SOHLH1: variants seen among roughly 807,000 people sequenced by gnomAD.
SOHLH1 encodes the protein spermatogenesis and oogenesis specific basic helix-loop-helix 1.
A neutral mutation model predicts 36.2 loss-of-function variants in SOHLH1; 23 were observed. The observed-to-expected ratio is 0.64, with a 90% confidence interval of 0.46 to 0.90. SOHLH1 has a LOEUF of 0.90. Among genes scored for constraint, SOHLH1 ranks in the 40% least tolerant of loss-of-function variants. SOHLH1 has a pLI of 0.00. For missense variants in SOHLH1, 608 were observed against 517.0 expected, an observed-to-expected ratio of 1.18 and a Z score of -1.71; for synonymous variants, 289 against 228.3, an observed-to-expected ratio of 1.27 and a Z score of -2.40.
At chr9:135,698,873 T>C (rs1834915840) in intron 2 of SOHLH1, 122 bp downstream of exon 2, 3 of 1,404,918 alleles carry the variant, frequency 2.1e-6, no homozygotes, top group Non-Finnish European at 2.0e-6. Flanking sequence ...AGTCTGTCCT[T>C]CTCCTGGGCA....
At chr9:135,700,910 C>T (rs533609835), upstream of SOHLH1, among the ~76,000 whole-genome samples, 3 of 152,248 alleles carry the variant, frequency 2.0e-5, no homozygotes, top group Admixed American at 1.3e-4. Flanking sequence ...TTTTGTTTCC[C>T]TAAAGCCCTC....
chr9:135,702,092 C>T (rs1835052411), upstream of SOHLH1: 1 of 575,102 alleles, frequency 1.7e-6, no homozygotes, highest in Non-Finnish European at 3.0e-6. Context: ...CCGGCGCGGC[C>T]GGCAGGGGGC....
chr9:135,693,768 A>G lies in SOHLH1; in HGVS notation c.993T>C (p.Ala331=). 6.3e-7 allele frequency: 1 copy of G among 1,581,964 alleles called. No individual in the cohort carries two copies. Among genetic ancestry groups the G allele is most frequent in the Non-Finnish European group, 8.6e-7 (1 of 1,164,828 alleles). Reference sequence around the variant, plus strand: ...CTCCAACATCCAGTGGACTGCTCTCAGCTGGGGCCCATGCAGGGCCACTGC... The same window carrying G: ...CTCCAACATCCAGTGGACTGCTCTCGGCTGGGGCCCATGCAGGGCCACTGC... ...RGGSGPAWAP[A]ESSPLDVGEP... is the part of the protein sequence containing the mutation. Residue 331 remains alanine (A), a synonymous_variant, in exon 8 of 8, where the codon GCT becomes GCC. Transcript: ENST00000425225.
In SOHLH1 at chr9:135,697,629, T is replaced by C. The variant is rs1834858587; in HGVS notation, c.346-2A>G. On this transcript the variant is annotated splice_acceptor_variant, in intron 3 of 7. Transcript: ENST00000425225. LOFTEE classifies it high-confidence loss of function. Reference sequence around the variant, plus strand: ...CATTTCCTTGGAGGAAGCAAGAATCTGAAATTTAAGTAAACATGTAAAACA... The same window carrying C: ...CATTTCCTTGGAGGAAGCAAGAATCCGAAATTTAAGTAAACATGTAAAACA... 2.5e-6 allele frequency: 4 copies of C among 1,610,492 alleles called. No individual in the cohort carries two copies. Among genetic ancestry groups the C allele is most frequent in the Non-Finnish European group, 3.4e-6 (4 of 1,178,700 alleles).
In SOHLH1 at chr9:135,698,369, C is replaced by T. The variant is rs779963266; in HGVS notation, c.305G>A (p.Arg102Gln). 13 of 1,613,100 alleles carry T rather than the reference C, an allele frequency of 8.1e-6. No individual in the cohort carries two copies. The Admixed American group carries it at 1.0e-4, about 12-fold the overall frequency. ...SVLEMSVQFL[R>Q]LASALGPSQE... is the part of the protein sequence containing the mutation. ...ACTGGGCCCCAGGGCGCTGGCAAGC[C>T]GCAGGAACTGCACAGACATCTCCAG... is the stretch of plus-strand genomic sequence containing the variant. Residue 102 changes from arginine (R) to glutamine (Q), a missense_variant, in exon 3 of 8, where the codon CGG becomes CAG. By Grantham distance (43) the Arg-to-Gln change is conservative (BLOSUM62 1). Transcript: ENST00000425225.
intron 3 of SOHLH1, among the ~76,000 whole-genome samples, chr9:135,697,902 C>T (rs1167149050): frequency 2.6e-5 from 4 of 152,118 alleles, no homozygotes; most frequent in East Asian, 1.9e-4. Context: ...TCATTCCCCA[C>T]ACAGGTCCTC....
chr9:135,699,300 G>A (rs1834942237), intron 1 of SOHLH1, 103 bp downstream of exon 1: 3 of 1,490,524 alleles, frequency 2.0e-6, no homozygotes, highest in East Asian at 2.4e-5. Flanking sequence ...CCAGGGCTCC[G>A]CCCCAGGAGG....
At chr9:135,701,047 A>C (rs1039032472), upstream of SOHLH1, among the ~76,000 whole-genome samples, 4 of 152,236 alleles carry the variant, frequency 2.6e-5, no homozygotes, top group African/African-American at 9.6e-5. Context: ...GGGCGTTGGC[A>C]GAAAGGCCAC....
upstream of SOHLH1, among the ~76,000 whole-genome samples, chr9:135,701,315 G>C (rs1043751944): frequency 6.6e-6 from 1 of 152,180 alleles, no homozygotes; most frequent in Non-Finnish European, 1.5e-5. Context: ...GGAGGCCAGG[G>C]ACCACAAAGT....
upstream of SOHLH1, chr9:135,699,581 C>G (rs1450467084): frequency 1.7e-6 from 2 of 1,158,596 alleles, no homozygotes; most frequent in East Asian, 2.5e-5. Flanking sequence ...CCACCCCACC[C>G]CCACTTGCAA....
chr9:135,699,816 C>T (rs1430438796), upstream of SOHLH1, among the ~76,000 whole-genome samples: 1 of 151,988 alleles, frequency 6.6e-6, no homozygotes, highest in African/African-American at 2.4e-5. Flanking sequence ...GGTCTCGGTG[C>T]CCTTGGGCAC....
chr9:135,695,027 G>A (rs377733974), intron 6 of SOHLH1, 23 bp downstream of exon 6: 171 of 1,574,990 alleles, frequency 1.1e-4, no homozygotes, highest in Non-Finnish European at 1.2e-4. Context: ...ACACACAGGC[G>A]TGCACACCAC....
chr9:135,699,955 C>G (rs1834975931), upstream of SOHLH1, among the ~76,000 whole-genome samples: 1 of 152,014 alleles, frequency 6.6e-6, no homozygotes, highest in African/African-American at 2.4e-5. Flanking sequence ...CGCCTGCTCC[C>G]CAGTCGCCCA....
chr9:135,698,205 T>C, intron 3 of SOHLH1, 124 bp downstream of exon 3: 1 of 1,369,648 alleles, frequency 7.3e-7, no homozygotes, highest in Non-Finnish European at 1.0e-6. Context: ...TGGCCTGCTC[T>C]AGCCGTGGAG....
In SOHLH1 at chr9:135,693,702, C is replaced by T; in HGVS notation, c.1059G>A (p.Glu353=). ...ACGGCTCCAGAGGGCTGTCCTGGAG[C>T]TCCTGGGAGCCAAGCTCAGGGTCCC... is the stretch of plus-strand genomic sequence containing the variant. The part of the protein sequence containing the change: ...FLGDPELGSQ[E]LQDSPLEPWG... The change falls in exon 8 of 8, where the codon GAG becomes GAA. Residue 353 remains glutamate (E), a synonymous_variant. Transcript: ENST00000425225. 6.3e-7 allele frequency: 1 copy of T among 1,575,760 alleles called. No homozygotes were observed.
upstream of SOHLH1, among the ~76,000 whole-genome samples, chr9:135,701,655 C>T (rs1160834947): frequency 1.3e-5 from 2 of 152,198 alleles, no homozygotes; most frequent in Non-Finnish European, 2.9e-5. Context: ...AGTCATCCCC[C>T]TCCCCCAGGC....
intron 4 of SOHLH1, 87 bp downstream of exon 4, chr9:135,697,419 A>G: frequency 6.4e-7 from 1 of 1,558,442 alleles, no homozygotes; most frequent in South Asian, 1.1e-5. Flanking sequence ...TCCAGGCCAC[A>G]CCCTCCCGAG....
intron 7 of SOHLH1, 132 bp downstream of exon 7, chr9:135,694,255 C>A: frequency 2.0e-6 from 3 of 1,530,854 alleles, no homozygotes; most frequent in Non-Finnish European, 2.6e-6. Context: ...TAAGCACCAA[C>A]GGTGGAGAAA....
chr9:135,699,780 G>T (rs559712986), upstream of SOHLH1, among the ~76,000 whole-genome samples: 13 of 152,244 alleles, frequency 8.5e-5, no homozygotes, highest in East Asian at 2.3e-3. Context: ...CTTCCCGGGG[G>T]TCGCCTCGGT....
Sources: allele counts gnomAD v4.1 joint callset (sites outside exome capture counted in the v4.1 genomes callset), GRCh38; gene constraint gnomAD v4.1.1; transcripts MANE v1.5; gene names NCBI Gene and HGNC (gene_info 2026-07-23, HGNC 2026-07-21).